Variants in RELB observed in about 807,000 individuals in gnomAD.
The protein encoded by RELB is RELB proto-oncogene, NF-kB subunit.
RELB carries 14 observed loss-of-function variants against 55.4 expected under a neutral mutation model. The observed-to-expected ratio is 0.25, with a 90% confidence interval of 0.17 to 0.40. RELB has a LOEUF of 0.40. Ranked by LOEUF, RELB falls within the 10% of genes least tolerant of loss-of-function variation. RELB has a pLI of 1.00. For missense variants in RELB, 669 were observed against 830.7 expected (o/e 0.81, Z 2.39); for synonymous variants, 409 against 371.3 (o/e 1.10, Z -1.17).
In RELB at chr19:45,034,523, G is replaced by A. The variant is rs1971664864; in HGVS notation, c.1349G>A (p.Gly450Asp). 6.3e-7 allele frequency: 1 copy of A among 1,599,160 alleles called. No individual in the cohort carries two copies. The highest frequency in any genetic ancestry group is 8.5e-7 in the Non-Finnish European group (1 of 1,173,092). The change falls in exon 11 of 12, where the codon GGC (glycine) becomes GAC (aspartate). Residue 450 changes from glycine (G) to aspartate (D), a missense_variant. Gly to Asp is a moderately conservative substitution (Grantham distance 94). This residue lies in a region of RELB where 341 missense variants were observed against 436.8 expected (regional missense o/e 0.78). Transcript: ENST00000221452. Reference protein sequence around the residue: ...AILDHFLPNHGSGPFLPPSAL... With the variant: ...AILDHFLPNHDSGPFLPPSAL... ...CTGGACCACTTCCTGCCCAACCACG[G>A]CTCAGGTGGGTCCCAGCTACACATA...
intron 7 of RELB, among the ~76,000 whole-genome samples, chr19:45,027,963 C>T (rs1855416643): frequency 6.6e-6 from 1 of 152,104 alleles, no homozygotes; most frequent in African/African-American, 2.4e-5. Flanking sequence ...TTACTGCAGC[C>T]TGAACTCCTG....
Position 45,026,177 on chromosome 19 carries a change from G to T in RELB, c.886+440G>T, listed in dbSNP as rs191044268. ...GAATTGCTTGAACCCGGGAGGCGGA[G>T]GTTGCAGTGAGCCGAGATCGCGTCA... On this transcript the variant is annotated intron_variant, in intron 7 of 11. Coordinates refer to ENST00000221452, the MANE Select transcript of RELB (RefSeq NM_006509.4). Among the ~76,000 whole-genome samples, 221 of 152,268 alleles carry T rather than the reference G, an allele frequency of 1.5e-3. 2 individuals carry two copies. Among genetic ancestry groups the T allele is most frequent in the African/African-American group, 5.0e-3 (208 of 41,564 alleles).
intron 4 of RELB, among the ~76,000 whole-genome samples, chr19:45,013,188 C>T (rs1457995857): frequency 6.6e-6 from 1 of 152,080 alleles, no homozygotes; most frequent in African/African-American, 2.4e-5. Flanking sequence ...GTTGCCCAGG[C>T]TGGAGTGCAG....
chr19:45,021,140 C>T (rs1409400560), intron 4 of RELB, among the ~76,000 whole-genome samples: 2 of 151,674 alleles, frequency 1.3e-5, no homozygotes, highest in Admixed American at 1.3e-4. Flanking sequence ...CCCGCCACCG[C>T]ACTCTAGCTT....
chr19:45,024,306 C>A (rs1971530239), intron 5 of RELB, among the ~76,000 whole-genome samples: 1 of 150,784 alleles, frequency 6.6e-6, no homozygotes, highest in African/African-American at 2.4e-5. Flanking sequence ...GGACTACAGG[C>A]ACCCGCCACC....
At chr19:45,035,141 C>T (rs1468723370) in intron 11 of RELB, among the ~76,000 whole-genome samples, 1 of 152,054 alleles carries the variant, frequency 6.6e-6, no homozygotes. Context: ...TGCATCCCAC[C>T]TATGATCACA....
rs148422079 is a variant in RELB, at chr19:45,012,177, G to A, written c.405G>A (p.Gln135=). 1,012 of 1,547,552 alleles carry A rather than the reference G, an allele frequency of 6.5e-4. 5 individuals are homozygous for A. In the African/African-American group the frequency reaches 0.012, roughly 18 times the overall value. ...TGGTCATCACGGAGCAGCCCAAGCA[G>A]CGCGGCATGCGCTTCCGCTACGAGT... ...PHLVITEQPK[Q]RGMRFRYECE... is the part of the protein sequence containing the mutation. Residue 135 remains glutamine (Q), a synonymous_variant, in exon 4 of 12, where the codon CAG becomes CAA. Coordinates refer to ENST00000221452, the MANE Select transcript of RELB (RefSeq NM_006509.4).
At chr19:45,002,921 C>G in intron 1 of RELB, 28 bp from the exon 2 acceptor site, 2 of 1,609,820 alleles carry the variant, frequency 1.2e-6, no homozygotes, top group South Asian at 1.1e-5. Context: ...CCCCCATCAC[C>G]TCCTGAGACG....
In RELB at chr19:45,022,130, C is replaced by T. The variant is rs771820983; in HGVS notation, c.582C>T (p.His194=). The change falls in exon 5 of 12, where the codon CAC becomes CAT. Residue 194 remains histidine (H), a synonymous_variant. Coordinates refer to ENST00000221452, the MANE Select transcript of RELB (RefSeq NM_006509.4). The part of the protein sequence containing the change: ...LVWKDWPHRV[H]PHSLVGKDCT... Reference sequence around the variant, plus strand: ...GGAAGGACTGGCCTCACCGAGTCCACCCCCACAGCCTCGTGGGGAAAGACT... The same window carrying T: ...GGAAGGACTGGCCTCACCGAGTCCATCCCCACAGCCTCGTGGGGAAAGACT... 1 of 1,613,190 alleles carries T rather than the reference C, an allele frequency of 6.2e-7. No individual in the cohort carries two copies. The highest frequency in any genetic ancestry group is 8.5e-7 in the Non-Finnish European group (1 of 1,179,608).
At chr19:45,003,502 G>A (rs1259449468) in intron 2 of RELB, 1 of 467,788 alleles carries the variant, frequency 2.1e-6, no homozygotes, top group Admixed American at 2.5e-5. Context: ...AAAAAAAAGC[G>A]TGACAGGTAA....
intron 9 of RELB, 24 bp from the exon 10 acceptor site, chr19:45,034,220 G>C: frequency 6.4e-7 from 1 of 1,568,208 alleles, no homozygotes; most frequent in Non-Finnish European, 8.8e-7. Context: ...TACTTCTTGT[G>C]TGTCCCTGGT....
chr19:45,028,327 T>A (rs1265166614), intron 7 of RELB, among the ~76,000 whole-genome samples: 2 of 151,598 alleles, frequency 1.3e-5, no homozygotes, highest in Non-Finnish European at 2.9e-5. Flanking sequence ...TAGCAAAGGA[T>A]CTTCTTTTGT....
At chr19:45,034,798 T>C (rs1971668280) in intron 11 of RELB, among the ~76,000 whole-genome samples, 1 of 152,226 alleles carries the variant, frequency 6.6e-6, no homozygotes, top group Non-Finnish European at 1.5e-5. Flanking sequence ...GCCCAGTACA[T>C]ACTTAGCTCA....
chr19:45,017,557 G>GT (rs1971435571), intron 4 of RELB, among the ~76,000 whole-genome samples: 1 of 149,892 alleles, frequency 6.7e-6, no homozygotes. Context: ...AAAAGTTTTA[G>GT]TTTTTTCCTG....
Position 45,012,246 on chromosome 19 carries a change from C to T in RELB, c.474C>T (p.Thr158=), listed in dbSNP as rs767161172. 3 of 1,445,520 alleles carry T rather than the reference C, an allele frequency of 2.1e-6. No homozygotes were observed. The highest frequency in any genetic ancestry group is 1.5e-5 in the South Asian group (1 of 66,580). The allele number at this position is 1,445,520 out of a possible 1,614,324, so 89.5% of individuals were successfully genotyped here. The change falls in exon 4 of 12, where the codon ACC becomes ACT. Residue 158 remains threonine (T), a synonymous_variant. Coordinates refer to ENST00000221452, the MANE Select transcript of RELB (RefSeq NM_006509.4). The part of the protein sequence containing the change: ...SAGSILGESS[T]EASKTLPAIE... ...GCAGCATCCTTGGGGAGAGCAGCAC[C>T]GAGGCCAGCAAGACGCTGCCCGCCA...
At chr19:45,003,090 T>C in intron 2 of RELB, 94 bp downstream of exon 2, 1 of 1,246,650 alleles carries the variant, frequency 8.0e-7, no homozygotes, top group Non-Finnish European at 1.1e-6. Flanking sequence ...GTTCACGAGG[T>C]CCACCTCAGC....
intron 3 of RELB, among the ~76,000 whole-genome samples, chr19:45,011,717 G>A (rs1417730416): frequency 6.6e-6 from 1 of 150,514 alleles, no homozygotes; most frequent in East Asian, 2.0e-4. Context: ...AAGGTGTTGG[G>A]ATTACAGGCG....
rs1252647624 is a variant in RELB at position 45,011,999 on chromosome 19, G to A, written c.227G>A (p.Gly76Asp). 3 of 1,577,304 alleles carry A rather than the reference G, an allele frequency of 1.9e-6. No individual in the cohort carries two copies. Among genetic ancestry groups the A allele is most frequent in the Non-Finnish European group, 2.6e-6 (3 of 1,166,192 alleles). ...FGLDGGQPGP[G>D]EGLPRLVSRG... ...CTGGACGGGGGACAGCCGGGCCCGG[G>A]CGAGGGGCTGCCACGCCTGGTGTCT... Residue 76 changes from glycine to aspartate, a missense_variant, in exon 4 of 12, where the codon GGC (glycine) becomes GAC (aspartate). Transcript: ENST00000221452.
chr19:45,019,356 G>A (rs943025684), intron 4 of RELB, among the ~76,000 whole-genome samples: 2 of 152,042 alleles, frequency 1.3e-5, no homozygotes, highest in South Asian at 4.1e-4. Flanking sequence ...GAGCCACCAC[G>A]CCTGGCCGAC....
Sources: allele counts gnomAD v4.1 joint callset (sites outside exome capture counted in the v4.1 genomes callset), GRCh38; gene constraint gnomAD v4.1.1; regional missense constraint gnomAD v4.1.1; transcripts MANE v1.5; gene names NCBI Gene and HGNC (gene_info 2026-07-23, HGNC 2026-07-21).